Variants in ROBO1 observed in about 807,000 individuals in gnomAD.
ROBO1 encodes the protein roundabout homolog 1.
Under a neutral mutation model 195.9 loss-of-function variants are expected in ROBO1, and 149 were observed. That is an observed-to-expected ratio of 0.76 (90% CI 0.67 to 0.87). The LOEUF (loss-of-function observed/expected upper bound fraction) is 0.87. Among genes scored for constraint, ROBO1 ranks in the 40% least tolerant of loss-of-function variants. ROBO1 has a pLI of 0.00. For missense variants in ROBO1, 1,933 were observed against 2,068.3 expected, an observed-to-expected ratio of 0.93 and a Z score of 1.27; for synonymous variants, 816 against 733.2, an observed-to-expected ratio of 1.11 and a Z score of -1.82.
chr3:78,599,780 T>C (rs984563117), intron 30 of ROBO1, among the ~76,000 whole-genome samples: 1 of 152,208 alleles, frequency 6.6e-6, no homozygotes, highest in African/African-American at 2.4e-5. Context: ...TGGGTTTTTA[T>C]AGCCTGCTAC....
At chr3:79,519,628 C>CAAAAAAAAAAAAAAAAAA (rs71631657) in intron 2 of ROBO1, among the ~76,000 whole-genome samples, 3 of 64,706 alleles carry the variant, frequency 4.6e-5, no homozygotes, top group Admixed American at 2.3e-4. Context: ...GACTCCTGCT[C>CAAAAAAAAAAAAAAAAAA]AAAAAAAAAA....
intron 1 of ROBO1, among the ~76,000 whole-genome samples, chr3:79,645,435 G>A (rs1301280817): frequency 2.0e-5 from 3 of 152,120 alleles, no homozygotes; most frequent in African/African-American, 7.2e-5. Flanking sequence ...CCAGGAGTTC[G>A]AGGCTGCAGT....
intron 3 of ROBO1, among the ~76,000 whole-genome samples, chr3:79,065,071 A>G (rs571801880): frequency 2.6e-5 from 4 of 152,042 alleles, no homozygotes; most frequent in African/African-American, 9.6e-5. Flanking sequence ...TAAACTCCAA[A>G]TTAAAAGCTG....
At chr3:78,930,794 T>C (rs892062321) in intron 4 of ROBO1, among the ~76,000 whole-genome samples, 1 of 152,182 alleles carries the variant, frequency 6.6e-6, no homozygotes, top group African/African-American at 2.4e-5. Context: ...AGCCTCCTAA[T>C]TGATGTCCTC....
chr3:79,385,440 A>T (rs1033296543), intron 2 of ROBO1, among the ~76,000 whole-genome samples: 3 of 152,058 alleles, frequency 2.0e-5, no homozygotes, highest in Non-Finnish European at 2.9e-5. Context: ...GCTAAACAGG[A>T]TTTTTAAAAA....
At chr3:79,296,056 T>C (rs1378918087) in intron 2 of ROBO1, among the ~76,000 whole-genome samples, 1 of 152,154 alleles carries the variant, frequency 6.6e-6, no homozygotes, top group Non-Finnish European at 1.5e-5. Flanking sequence ...AATCCATATA[T>C]GCAAATTTGA....
intron 28 of ROBO1, among the ~76,000 whole-genome samples, chr3:78,611,118 A>C (rs1456400481): frequency 6.6e-6 from 1 of 152,170 alleles, no homozygotes; most frequent in African/African-American, 2.4e-5. Flanking sequence ...TAATGCATGT[A>C]AAGTAACATA....
intron 22 of ROBO1, among the ~76,000 whole-genome samples, chr3:78,638,740 G>T (rs1705717303): frequency 6.6e-6 from 1 of 151,958 alleles, no homozygotes; most frequent in African/African-American, 2.4e-5. Flanking sequence ...CAGGCATGGT[G>T]GTGCGTGCCT....
intron 1 of ROBO1, among the ~76,000 whole-genome samples, chr3:79,660,797 G>T: frequency 6.6e-6 from 1 of 152,044 alleles, no homozygotes; most frequent in East Asian, 1.9e-4. Context: ...AGCCTGAAAA[G>T]CACAATGACC....
At chr3:78,928,335 T>C (rs182494234) in intron 4 of ROBO1, among the ~76,000 whole-genome samples, 42 of 152,228 alleles carry the variant, frequency 2.8e-4, no homozygotes, top group Admixed American at 9.2e-4. Flanking sequence ...AAGAAATGTA[T>C]TGATTAGAAC....
intron 5 of ROBO1, among the ~76,000 whole-genome samples, chr3:78,746,348 T>G (rs1160639476): frequency 6.6e-6 from 1 of 152,076 alleles, no homozygotes; most frequent in Non-Finnish European, 1.5e-5. Flanking sequence ...GAAAAAAACA[T>G]AAAAACATCC....
intron 4 of ROBO1, among the ~76,000 whole-genome samples, chr3:78,848,972 G>T (rs2033853928): frequency 6.6e-6 from 1 of 152,046 alleles, no homozygotes; most frequent in Non-Finnish European, 1.5e-5. Context: ...AGGATGAGAG[G>T]CTGGACATAT....
At chr3:78,950,239 T>C (rs1285182949) in intron 3 of ROBO1, among the ~76,000 whole-genome samples, 3 of 151,944 alleles carry the variant, frequency 2.0e-5, no homozygotes, top group South Asian at 2.1e-4. Context: ...CTATTCACAA[T>C]AGCAAAGACT....
chr3:78,969,146 CT>C (rs1322383420), intron 3 of ROBO1, among the ~76,000 whole-genome samples: 1 of 152,132 alleles, frequency 6.6e-6, no homozygotes, highest in Non-Finnish European at 1.5e-5. Flanking sequence ...GAAAACAACG[CT>C]TTTTCCCTTA....
chr3:79,260,629 A>T (rs533443694), intron 2 of ROBO1, among the ~76,000 whole-genome samples: 2 of 152,212 alleles, frequency 1.3e-5, no homozygotes, highest in South Asian at 4.1e-4. Context: ...GTTATTAGAG[A>T]GTTTTAAAGA....
At chr3:79,640,630 G>C (rs1560062164) in intron 1 of ROBO1, among the ~76,000 whole-genome samples, 1 of 152,058 alleles carries the variant, frequency 6.6e-6, no homozygotes, top group East Asian at 1.9e-4. Flanking sequence ...CAACTTTAAA[G>C]ACACCTCCCT....
At chr3:79,468,926 C>A (rs1201495232) in intron 2 of ROBO1, among the ~76,000 whole-genome samples, 1 of 152,130 alleles carries the variant, frequency 6.6e-6, no homozygotes, top group Non-Finnish European at 1.5e-5. Context: ...ATTACCTTGA[C>A]CTTTTCCTTT....
At chr3:79,067,718 C>A (rs950124313) in intron 3 of ROBO1, among the ~76,000 whole-genome samples, 2 of 151,930 alleles carry the variant, frequency 1.3e-5, no homozygotes, top group African/African-American at 4.8e-5. Flanking sequence ...ACCTGTGTGG[C>A]AAATTAAACT....
At chr3:79,206,490 T>C (rs1312682782) in intron 2 of ROBO1, among the ~76,000 whole-genome samples, 1 of 152,038 alleles carries the variant, frequency 6.6e-6, no homozygotes, top group Non-Finnish European at 1.5e-5. Context: ...TATGTGAAAT[T>C]ATGAAGAAAG....
Sources: allele counts gnomAD v4.1 joint callset (sites outside exome capture counted in the v4.1 genomes callset), GRCh38; gene constraint gnomAD v4.1.1; transcripts MANE v1.5; gene names NCBI Gene and HGNC (gene_info 2026-07-23, HGNC 2026-07-21).